The following CDC42SE2 variants were observed in gnomAD, a reference collection of about 807,000 sequenced individuals.
CDC42SE2 encodes the protein CDC42 small effector protein 2.
Under a neutral mutation model 11.5 loss-of-function variants are expected in CDC42SE2, and 3 were observed. The ratio of observed to expected loss-of-function variants is 0.26; its 90% CI spans 0.12 to 0.67. CDC42SE2 has a LOEUF of 0.67. Among genes scored for constraint, CDC42SE2 ranks in the 30% least tolerant of loss-of-function variants. The probability of loss-of-function intolerance (pLI) is 0.80; values close to 1 mark genes in which losing one functional copy is unlikely to be tolerated. For synonymous variants in CDC42SE2, 33 were observed against 34.8 expected (o/e 0.95, Z 0.18); for missense variants, 82 against 106.8 (o/e 0.77, Z 1.02).
At chr5:131,310,117 A>T (rs1394544499) in intron 1 of CDC42SE2, among the ~76,000 whole-genome samples, 2 of 151,610 alleles carry the variant, frequency 1.3e-5, no homozygotes, top group Non-Finnish European at 1.5e-5. Context: ...CACTGCTTTG[A>T]ATGTGTCCCA....
chr5:131,295,125 T>TC (rs1757541978), intron 1 of CDC42SE2, among the ~76,000 whole-genome samples: 1 of 106,968 alleles, frequency 9.3e-6, no homozygotes, highest in South Asian at 3.5e-4. Flanking sequence ...AGACTAAGTC[T>TC]CAAAAAAAAA....
intron 2 of CDC42SE2, among the ~76,000 whole-genome samples, chr5:131,321,141 C>T (rs1041662443): frequency 2.0e-5 from 3 of 152,158 alleles, no homozygotes; most frequent in Admixed American, 6.5e-5. Context: ...TGTACATGCT[C>T]TTTAATACAT....
intron 1 of CDC42SE2, among the ~76,000 whole-genome samples, chr5:131,270,626 A>G (rs1235299035): frequency 1.3e-5 from 2 of 152,216 alleles, no homozygotes; most frequent in Non-Finnish European, 2.9e-5. Context: ...CTCCCTGTAG[A>G]CTAAGTCTTT....
At chr5:131,212,749 A>G in the CDC42SE2 span, among the ~76,000 whole-genome samples, 1 of 152,204 alleles carries the variant, frequency 6.6e-6, no homozygotes, top group Non-Finnish European at 1.5e-5. Context: ...AGTACGTGCC[A>G]GAATACAAAG....
chr5:131,241,166 G>C (rs1756538038), upstream of CDC42SE2, among the ~76,000 whole-genome samples: 1 of 151,960 alleles, frequency 6.6e-6, no homozygotes, highest in Non-Finnish European at 1.5e-5. Flanking sequence ...TTTTAGTAGA[G>C]AAGGGGTTTC....
intron 1 of CDC42SE2, among the ~76,000 whole-genome samples, chr5:131,280,805 G>T (rs1171342127): frequency 6.6e-6 from 1 of 152,208 alleles, no homozygotes; most frequent in East Asian, 1.9e-4. Context: ...AGAAAACTGT[G>T]TTTTATTGAA....
upstream of CDC42SE2, chr5:131,263,904 C>CGACGGG (rs1756789494): frequency 7.2e-5 from 11 of 152,250 alleles, no homozygotes; most frequent in Admixed American, 6.6e-4. Context: ...GCCGGAGGTA[C>CGACGGG]GGCGGGGGCG....
At position 131,392,222 on chromosome 5, in the gene CDC42SE2, C is replaced by T. The variant is rs1750680306; in HGVS notation, c.*1131C>T. 1 of 152,650 alleles carries T rather than the reference C, an allele frequency of 6.6e-6. No homozygotes were observed. The highest frequency in any genetic ancestry group is 2.4e-5 in the African/African-American group (1 of 41,378). 9.5% of individuals were successfully genotyped at this position (152,650 alleles called of 1,614,324 possible). On this transcript the variant is annotated 3_prime_UTR_variant, in exon 5 of 5. Coordinates refer to ENST00000505065, the MANE Select transcript of CDC42SE2 (RefSeq NM_001375635.1). ...TACGATTTTATTGGAAAGCAAGGAC[C>T]TGCTATTATTTGTTAATTTGCCATC... is the stretch of plus-strand genomic sequence containing the variant.
At chr5:131,223,382 G>C in the CDC42SE2 span, among the ~76,000 whole-genome samples, 3 of 152,072 alleles carry the variant, frequency 2.0e-5, no homozygotes, top group African/African-American at 7.2e-5. Context: ...AGATGTCTGG[G>C]GGGGCACAGC....
At chr5:131,388,683 ACACTG>A (rs1750562776) in intron 4 of CDC42SE2, among the ~76,000 whole-genome samples, 2 of 152,244 alleles carry the variant, frequency 1.3e-5, no homozygotes, top group East Asian at 3.8e-4. Flanking sequence ...CATTGTCTCA[ACACTG>A]AAAGATTACT....
chr5:131,302,562 C>T (rs571588006), intron 1 of CDC42SE2, among the ~76,000 whole-genome samples: 1 of 151,906 alleles, frequency 6.6e-6, no homozygotes, highest in Non-Finnish European at 1.5e-5. Context: ...GTGATCCACC[C>T]ACCTCAGCCT....
At chr5:131,271,527 T>C (rs1756995151) in intron 1 of CDC42SE2, among the ~76,000 whole-genome samples, 1 of 152,228 alleles carries the variant, frequency 6.6e-6, no homozygotes, top group African/African-American at 2.4e-5. Flanking sequence ...ATGCAAATAC[T>C]GTGCCATTTT....
intron 2 of CDC42SE2, among the ~76,000 whole-genome samples, chr5:131,341,698 C>A (rs184395579): frequency 6.6e-6 from 1 of 152,182 alleles, no homozygotes; most frequent in African/African-American, 2.4e-5. Flanking sequence ...AGGTGTTTTA[C>A]AGATCTGATA....
chr5:131,345,005 A>G (rs907222118), intron 2 of CDC42SE2, among the ~76,000 whole-genome samples: 5 of 152,244 alleles, frequency 3.3e-5, no homozygotes, highest in Admixed American at 6.5e-5. Context: ...GTACGTCACC[A>G]TATCAAAGAC....
intron 2 of CDC42SE2, among the ~76,000 whole-genome samples, chr5:131,342,420 C>T (rs1206567380): frequency 3.7e-5 from 4 of 107,178 alleles, no homozygotes; most frequent in African/African-American, 2.7e-4. Flanking sequence ...GATAGGGTCT[C>T]ACTTTGTCAC....
At chr5:131,245,198 C>T (rs934893303), upstream of CDC42SE2, among the ~76,000 whole-genome samples, 1 of 152,192 alleles carries the variant, frequency 6.6e-6, no homozygotes, top group African/African-American at 2.4e-5. Context: ...TTTCTAGATA[C>T]CAGCTCTTAC....
At chr5:131,270,446 C>A (rs1756970271) in intron 1 of CDC42SE2, among the ~76,000 whole-genome samples, 1 of 152,190 alleles carries the variant, frequency 6.6e-6, no homozygotes, top group Admixed American at 6.5e-5. Flanking sequence ...ATAAAACTTT[C>A]ACTTTTTGTT....
chr5:131,341,150 T>G (rs1440848448), intron 2 of CDC42SE2, among the ~76,000 whole-genome samples: 1 of 152,204 alleles, frequency 6.6e-6, no homozygotes, highest in Non-Finnish European at 1.5e-5. Context: ...ATGGTATAGG[T>G]ACTATTATTT....
intron 2 of CDC42SE2, among the ~76,000 whole-genome samples, chr5:131,334,308 G>A (rs544454803): frequency 1.3e-5 from 2 of 152,138 alleles, no homozygotes; most frequent in African/African-American, 2.4e-5. Context: ...ATCCCAGGGA[G>A]GAAGCCCACT....
Sources: allele counts gnomAD v4.1 joint callset (sites outside exome capture counted in the v4.1 genomes callset), GRCh38; gene constraint gnomAD v4.1.1; transcripts MANE v1.5; gene names NCBI Gene and HGNC (gene_info 2026-07-23, HGNC 2026-07-21).